LMBRD1: variants seen among roughly 807,000 people sequenced by gnomAD.
LMBRD1 encodes lysosomal cobalamin transport escort protein LMBD1.
LMBRD1 carries 64 observed loss-of-function variants against 74.8 expected under a neutral mutation model. The observed-to-expected ratio is 0.86, with a 90% confidence interval of 0.70 to 1.05. The LOEUF is 1.05. Ranked by LOEUF, LMBRD1 falls within the 50% of genes least tolerant of loss-of-function variation. The pLI, the probability that LMBRD1 is intolerant of heterozygous loss-of-function variation, is 0.00. For synonymous variants in LMBRD1, 204 were observed against 216.3 expected, an observed-to-expected ratio of 0.94 and a Z score of 0.50; for missense variants, 652 against 645.9, an observed-to-expected ratio of 1.01 and a Z score of -0.10.
rs898292212 is a variant in LMBRD1, at chr6:69,750,850, A to T, written c.405+1409T>A. Among the ~76,000 whole-genome samples the T allele has an allele frequency of 3.3e-5, 5 of 152,110 alleles. No individual in the cohort carries two copies. The East Asian group carries it at 9.6e-4, about 29-fold the overall frequency. Reference sequence around the variant, plus strand: ...TTAAATACCTAACTTTTTTTCTAGGAGTCATTTAAAATACTGTTAATTTAC... The same window carrying T: ...TTAAATACCTAACTTTTTTTCTAGGTGTCATTTAAAATACTGTTAATTTAC... On this transcript the variant is annotated intron_variant, in intron 4 of 15. Transcript: ENST00000649934.
rs778052941 is a variant in LMBRD1, at chr6:69,676,264, A to G, written c.1517T>C (p.Leu506Ser). 1.2e-6 allele frequency: 2 copies of G among 1,612,800 alleles called. No individual in the cohort carries two copies. The highest frequency in any genetic ancestry group is 1.7e-6 in the Non-Finnish European group (2 of 1,179,406). Residue 506 changes from leucine (L) to serine (S), a missense_variant, in exon 16 of 16, where the codon TTG becomes TCG. By Grantham distance (145) the Leu-to-Ser change is moderately radical (BLOSUM62 -2). Around this residue, in one of 3 missense-constraint regions of LMBRD1, gnomAD observed 51 missense variants for 46.9 expected, o/e 1.09. Coordinates refer to ENST00000649934, the MANE Select transcript of LMBRD1 (RefSeq NM_018368.4). ...ACAACAGGATACAATTAATCCAATC[A>G]AAAATACCTGTAAATTTAAATAAGC... ...FGNWAFLGVF[L>S]IGLIVSCCKG...
At chr6:69,739,221 A>C (rs1004619417) in intron 6 of LMBRD1, among the ~76,000 whole-genome samples, 1 of 152,200 alleles carries the variant, frequency 6.6e-6, no homozygotes, top group East Asian at 1.9e-4. Flanking sequence ...ATGGTAAAAT[A>C]GACATGCTGA....
intron 7 of LMBRD1, among the ~76,000 whole-genome samples, chr6:69,728,987 T>C (rs550384835): frequency 8.1e-5 from 12 of 149,032 alleles, no homozygotes; most frequent in Non-Finnish European, 1.6e-4. Flanking sequence ...AAAAGTTGTT[T>C]TGCTATTTTT....
chr6:69,688,555 G>T (rs1026174990), intron 14 of LMBRD1, among the ~76,000 whole-genome samples: 1 of 151,768 alleles, frequency 6.6e-6, no homozygotes, highest in South Asian at 2.1e-4. Context: ...TTTTTTAAAA[G>T]TTTCAGTAAC....
In LMBRD1 at chr6:69,790,469, T is replaced by C. The variant is rs772119224; in HGVS notation, c.73A>G (p.Ile25Val). 53 of 1,613,616 alleles carry C rather than the reference T, an allele frequency of 3.3e-5. No individual in the cohort carries two copies. Among genetic ancestry groups the C allele is most frequent in the Middle Eastern group, 1.6e-4 (1 of 6,078 alleles). The change falls in exon 2 of 16, where the codon ATT becomes GTT. Residue 25 changes from isoleucine (I) to valine (V), a missense_variant. This residue lies in a region of LMBRD1 where 598 missense variants were observed against 581.8 expected (regional missense o/e 1.03). Coordinates refer to ENST00000649934, the MANE Select transcript of LMBRD1 (RefSeq NM_018368.4). ...ACATATATCCAGCAGAATGCCAAAA[T>C]AGCCTGAAATAGAACAAAAAGAGAT... ...WCIFGLLLLA[I>V]LAFCWIYVRK...
chr6:69,777,686 A>AC (rs1282563573), intron 3 of LMBRD1, among the ~76,000 whole-genome samples: 2 of 151,898 alleles, frequency 1.3e-5, no homozygotes, highest in African/African-American at 2.4e-5. Context: ...AAATACAAAA[A>AC]AAAAAAGGGG....
intron 9 of LMBRD1, among the ~76,000 whole-genome samples, chr6:69,703,355 T>G (rs1470149889): frequency 6.6e-6 from 1 of 151,814 alleles, no homozygotes; most frequent in Non-Finnish European, 1.5e-5. Flanking sequence ...AAAAAATAGT[T>G]TGTAGCAGTA....
At chr6:69,711,691 T>C (rs1032955261) in intron 9 of LMBRD1, among the ~76,000 whole-genome samples, 6 of 152,176 alleles carry the variant, frequency 3.9e-5, no homozygotes, top group Non-Finnish European at 8.8e-5. Flanking sequence ...GATTATGGTA[T>C]ATTTTTAAAA....
At chr6:69,724,766 T>C (rs1205814766) in intron 7 of LMBRD1, among the ~76,000 whole-genome samples, 2 of 151,720 alleles carry the variant, frequency 1.3e-5, no homozygotes, top group African/African-American at 2.4e-5. Context: ...TAGTATCACA[T>C]TGAATGGTGA....
intron 14 of LMBRD1, among the ~76,000 whole-genome samples, chr6:69,685,899 T>C (rs964156929): frequency 1.3e-5 from 2 of 152,284 alleles, no homozygotes; most frequent in African/African-American, 4.8e-5. Context: ...TGATAACCTT[T>C]CTTTTACTCT....
chr6:69,758,589 T>C (rs988446254), intron 3 of LMBRD1, among the ~76,000 whole-genome samples: 5 of 152,118 alleles, frequency 3.3e-5, no homozygotes, highest in African/African-American at 9.7e-5. Context: ...ATGAACTTAG[T>C]ACTCTCATGA....
chr6:69,701,775 CA>C (rs1016893804), intron 10 of LMBRD1, 113 bp downstream of exon 10: 1 of 778,642 alleles, frequency 1.3e-6, no homozygotes, highest in African/African-American at 1.8e-5. Context: ...TAGAACACTT[CA>C]AGTAAAAAAG....
chr6:69,678,632 T>A (rs1408763698), intron 14 of LMBRD1, among the ~76,000 whole-genome samples: 1 of 152,168 alleles, frequency 6.6e-6, no homozygotes, highest in African/African-American at 2.4e-5. Context: ...TTATTCAAAA[T>A]GGACAATGGC....
At chr6:69,680,714 T>C (rs1263416623) in intron 14 of LMBRD1, among the ~76,000 whole-genome samples, 2 of 152,158 alleles carry the variant, frequency 1.3e-5, no homozygotes, top group African/African-American at 4.8e-5. Context: ...AACAGCTCTT[T>C]ATATGCATCT....
intron 2 of LMBRD1, among the ~76,000 whole-genome samples, chr6:69,783,565 G>A (rs1765881842): frequency 6.6e-6 from 1 of 152,076 alleles, no homozygotes; most frequent in Non-Finnish European, 1.5e-5. Flanking sequence ...TGTAGAGACT[G>A]GGTTTCACCA....
At chr6:69,746,044 C>A in intron 5 of LMBRD1, 1 of 212,966 alleles carries the variant, frequency 4.7e-6, no homozygotes, top group African/African-American at 2.3e-5. Context: ...TTCTAGGGCA[C>A]TGTCAAGGCT....
In LMBRD1 at chr6:69,699,033, T is replaced by G; in HGVS notation, c.1338+10A>C. ...TATCAAAATAATCAAGTTTCAAATA[T>G]TTCACTTACCTCTATTAAGTAATTT... is the stretch of plus-strand genomic sequence containing the variant. On this transcript the variant is annotated intron_variant, in intron 13 of 15. Coordinates refer to ENST00000649934, the MANE Select transcript of LMBRD1 (RefSeq NM_018368.4). The G allele has an allele frequency of 1.9e-6, 3 of 1,544,894 alleles. No homozygotes were observed. Among genetic ancestry groups the G allele is most frequent in the Non-Finnish European group, 2.7e-6 (3 of 1,119,344 alleles).
At chr6:69,732,723 A>C (rs1420209088) in intron 7 of LMBRD1, among the ~76,000 whole-genome samples, 2 of 152,186 alleles carry the variant, frequency 1.3e-5, no homozygotes, top group African/African-American at 4.8e-5. Flanking sequence ...ACATATTTAA[A>C]GTTTTATGGA....
chr6:69,742,427 A>G (rs763053534), intron 5 of LMBRD1, among the ~76,000 whole-genome samples: 5 of 152,158 alleles, frequency 3.3e-5, no homozygotes, highest in Admixed American at 2.0e-4. Flanking sequence ...TTTGTTTTTC[A>G]ACCCACAGGT....
Sources: gnomAD v4.1 joint callset for allele counts (sites outside exome capture counted in the v4.1 genomes callset) on GRCh38, gnomAD v4.1.1 for gene constraint, gnomAD v4.1.1 regional missense constraint, MANE v1.5 for transcripts, NCBI Gene and HGNC (gene_info 2026-07-23, HGNC 2026-07-21) for gene names.